ATP8B4: variants seen among roughly 807,000 people sequenced by gnomAD.
ATP8B4 encodes the protein ATPase phospholipid transporting 8B4 (putative), also known as probable phospholipid-transporting ATPase IM.
Under a neutral mutation model 145.6 loss-of-function variants are expected in ATP8B4, and 133 were observed. The observed-to-expected ratio is 0.91, with a 90% CI of 0.79 to 1.05. The LOEUF (loss-of-function observed/expected upper bound fraction) is 1.05. ATP8B4 is among the 50% of genes least tolerant of loss of function. ATP8B4 has a pLI of 0.00. For missense variants in ATP8B4, 1,458 were observed against 1,425.2 expected (o/e 1.02, Z -0.37); for synonymous variants, 507 against 492.9 (o/e 1.03, Z -0.38).
At position 49,996,687 on chromosome 15, in the gene ATP8B4, T is replaced by C; in HGVS notation, c.579A>G (p.Ala193=). ...SELGADISRL[A]GFDGIVVCEV... is the part of the protein sequence containing the mutation. ...GTTTAAAATACTTACCATCAAACCC[T>C]GCAAGTCTGCTGATATCTGCTCCAA... The change falls in exon 9 of 28, where the codon GCA becomes GCG. Residue 193 remains alanine (A), a synonymous_variant. Coordinates refer to ENST00000284509, the MANE Select transcript of ATP8B4 (RefSeq NM_024837.4). The C allele has an allele frequency of 6.2e-7, 1 of 1,606,184 alleles. No homozygotes were observed.
In ATP8B4 at chr15:49,987,423, G is replaced by T. The variant is rs1169962914; in HGVS notation, c.716C>A (p.Thr239Asn). The change falls in exon 10 of 28, where the codon ACC (threonine) becomes AAC (asparagine). Residue 239 changes from threonine (T) to asparagine (N), a missense_variant. Transcript: ENST00000284509. ...IILRGCILRN[T>N]SWCFGMVIFA... The stretch of plus-strand genomic sequence containing the variant: ...AATAACCATTCCAAAACACCAGCTG[G>T]TATTTCTCAGGATGCAGCCTCTCAG... 1 of 1,613,756 alleles carries T rather than the reference G, an allele frequency of 6.2e-7. No homozygotes were observed. The highest frequency in any genetic ancestry group is 1.1e-5 in the South Asian group (1 of 91,056).
At chr15:50,058,433 C>T (rs902634182) in intron 3 of ATP8B4, among the ~76,000 whole-genome samples, 3 of 152,114 alleles carry the variant, frequency 2.0e-5, no homozygotes, top group African/African-American at 7.2e-5. Flanking sequence ...GGCCAAATTT[C>T]AAGACCTCAG....
intron 20 of ATP8B4, among the ~76,000 whole-genome samples, chr15:49,910,162 C>A (rs1005107294): frequency 6.6e-6 from 1 of 151,628 alleles, no homozygotes; most frequent in Non-Finnish European, 1.5e-5. Context: ...TAACGAAGAA[C>A]CAAACAGAAA....
chr15:50,130,268 C>G (rs1391207370), intron 1 of ATP8B4, among the ~76,000 whole-genome samples: 1 of 152,176 alleles, frequency 6.6e-6, no homozygotes, highest in Non-Finnish European at 1.5e-5. Flanking sequence ...CTTTCCCCAT[C>G]ATGGCACTTG....
chr15:50,076,286 G>A (rs927474150), intron 2 of ATP8B4, among the ~76,000 whole-genome samples: 17 of 152,110 alleles, frequency 1.1e-4, no homozygotes, highest in Admixed American at 3.9e-4. Flanking sequence ...AAGGTCAAGG[G>A]ATCGAGACCA....
intron 2 of ATP8B4, among the ~76,000 whole-genome samples, chr15:50,101,333 A>C (rs947411386): frequency 1.3e-5 from 2 of 152,132 alleles, no homozygotes; most frequent in African/African-American, 4.8e-5. Flanking sequence ...AACATTTGAC[A>C]AAAACAACAG....
intron 6 of ATP8B4, among the ~76,000 whole-genome samples, chr15:50,035,619 T>C (rs1196869754): frequency 6.6e-6 from 1 of 152,086 alleles, no homozygotes; most frequent in African/African-American, 2.4e-5. Flanking sequence ...CCACACATAG[T>C]AGTTGCTCAA....
chr15:49,891,940 C>T (rs1311909570), intron 23 of ATP8B4, among the ~76,000 whole-genome samples: 2 of 151,676 alleles, frequency 1.3e-5, no homozygotes, highest in Non-Finnish European at 2.9e-5. Flanking sequence ...ATGGTGAAAC[C>T]CTGTCTCTAC....
At chr15:50,060,737 A>G (rs965455502) in intron 3 of ATP8B4, among the ~76,000 whole-genome samples, 2 of 152,180 alleles carry the variant, frequency 1.3e-5, no homozygotes, top group African/African-American at 4.8e-5. Context: ...AAATATGTAT[A>G]TGAATCATTT....
intron 3 of ATP8B4, among the ~76,000 whole-genome samples, chr15:50,056,118 T>C (rs892903335): frequency 6.6e-6 from 1 of 152,068 alleles, no homozygotes; most frequent in Non-Finnish European, 1.5e-5. Context: ...ACCACCACCA[T>C]CATCTTAACG....
intron 13 of ATP8B4, among the ~76,000 whole-genome samples, chr15:49,965,192 G>A (rs940802934): frequency 8.5e-5 from 13 of 152,170 alleles, no homozygotes; most frequent in African/African-American, 3.1e-4. Context: ...GACAGCTGAG[G>A]AAACCATAAT....
chr15:50,176,063 G>GTA (rs141894277), intron 1 of ATP8B4, among the ~76,000 whole-genome samples: 3,744 of 147,138 alleles, frequency 0.025, 131 homozygotes, highest in African/African-American at 0.082. Flanking sequence ...ATACCGCAGA[G>GTA]TATATATATA....
chr15:50,088,757 G>A (rs886557319), intron 2 of ATP8B4, among the ~76,000 whole-genome samples: 5 of 152,152 alleles, frequency 3.3e-5, no homozygotes, highest in African/African-American at 1.2e-4. Flanking sequence ...GTTCACAGCT[G>A]TACCTGCAAC....
At chr15:49,994,985 G>C (rs2153553552) in intron 9 of ATP8B4, among the ~76,000 whole-genome samples, 1 of 152,214 alleles carries the variant, frequency 6.6e-6, no homozygotes, top group Admixed American at 6.5e-5. Context: ...CATTAGTCCA[G>C]ATACTGTGGC....
chr15:50,178,153 A>AG (rs1255224617), intron 1 of ATP8B4, among the ~76,000 whole-genome samples: 1 of 152,190 alleles, frequency 6.6e-6, no homozygotes, highest in Admixed American at 6.5e-5. Flanking sequence ...AGAAAGTTTA[A>AG]GGAAAAGAGG....
At chr15:49,860,525 C>CTGAGTAT (rs2031463497) in intron 27 of ATP8B4, 50 bp from the exon 28 acceptor site, 1 of 1,515,700 alleles carries the variant, frequency 6.6e-7, no homozygotes, top group Non-Finnish European at 8.8e-7. Context: ...ATGATAGACT[C>CTGAGTAT]CAGGCAGTGG....
chr15:50,127,205 C>G (rs1326894248), intron 1 of ATP8B4, among the ~76,000 whole-genome samples: 1 of 152,184 alleles, frequency 6.6e-6, no homozygotes, highest in Non-Finnish European at 1.5e-5. Flanking sequence ...CCTTTAAAAA[C>G]TCTTACATGG....
At chr15:49,913,038 G>C (rs1332326385) in intron 20 of ATP8B4, among the ~76,000 whole-genome samples, 1 of 151,892 alleles carries the variant, frequency 6.6e-6, no homozygotes, top group Non-Finnish European at 1.5e-5. Context: ...CGCTGAAGTG[G>C]GAGGATCACT....
At chr15:50,087,397 C>T (rs2055284895) in intron 2 of ATP8B4, among the ~76,000 whole-genome samples, 1 of 139,276 alleles carries the variant, frequency 7.2e-6, no homozygotes, top group African/African-American at 2.7e-5. Context: ...TTATACATAT[C>T]ATATATTTAT....
Sources: gnomAD v4.1 joint callset for allele counts (sites outside exome capture counted in the v4.1 genomes callset) on GRCh38, gnomAD v4.1.1 for gene constraint, MANE v1.5 for transcripts, NCBI Gene and HGNC (gene_info 2026-07-23, HGNC 2026-07-21) for gene names.